ATXN7L1: variants seen among roughly 807,000 people sequenced by gnomAD.
ATXN7L1 encodes the protein ataxin 7 like 1, also known as ataxin-7-like protein 1.
Under a neutral mutation model 70.8 loss-of-function variants are expected in ATXN7L1, and 15 were observed. The ratio of observed to expected loss-of-function variants is 0.21; its 90% CI spans 0.14 to 0.33. ATXN7L1 has a LOEUF of 0.33. Among genes scored for constraint, ATXN7L1 ranks in the 10% least tolerant of loss-of-function variants. The pLI is 1.00. For synonymous variants in ATXN7L1, 440 were observed against 445.1 expected (o/e 0.99, Z 0.14); for missense variants, 975 against 1,097.1 (o/e 0.89, Z 1.57).
intron 3 of ATXN7L1, chr7:105,679,218 C>G: frequency 1.1e-6 from 1 of 903,056 alleles, no homozygotes; most frequent in Non-Finnish European, 1.3e-6. Flanking sequence ...TAGGGAAAGG[C>G]AGAAAGAAAA....
intron 2 of ATXN7L1, among the ~76,000 whole-genome samples, chr7:105,813,681 C>T (rs1808774502): frequency 6.6e-6 from 1 of 152,182 alleles, no homozygotes; most frequent in South Asian, 2.1e-4. Flanking sequence ...CTTCCTTTAT[C>T]TGTAAATTCT....
intron 9 of ATXN7L1, among the ~76,000 whole-genome samples, chr7:105,619,270 C>T (rs190296681): frequency 9.5e-4 from 136 of 143,026 alleles, no homozygotes; most frequent in Admixed American, 2.7e-3. Context: ...GCCTTAGCCT[C>T]CTGAGTAGCT....
chr7:105,708,374 C>T (rs184553699), intron 3 of ATXN7L1, among the ~76,000 whole-genome samples: 23 of 152,338 alleles, frequency 1.5e-4, no homozygotes, highest in Admixed American at 4.6e-4. Context: ...TCCTCTTCCT[C>T]TCTTCCTCAA....
chr7:105,710,262 C>A (rs540736765), intron 3 of ATXN7L1, among the ~76,000 whole-genome samples: 3 of 152,288 alleles, frequency 2.0e-5, no homozygotes, highest in East Asian at 3.9e-4. Flanking sequence ...AATTGACTCA[C>A]AGTTCCACAG....
At chr7:105,802,509 C>A (rs139124695) in intron 2 of ATXN7L1, among the ~76,000 whole-genome samples, 8 of 152,322 alleles carry the variant, frequency 5.3e-5, no homozygotes, top group African/African-American at 1.9e-4. Context: ...CCTCAGCAGT[C>A]AGGTGAGTCA....
At chr7:105,639,707 G>T (rs1358159702) in intron 5 of ATXN7L1, 138 bp from the exon 6 acceptor site, 1 of 688,028 alleles carries the variant, frequency 1.5e-6, no homozygotes, top group Non-Finnish European at 2.4e-6. Flanking sequence ...TTGTTTTTTT[G>T]TGTTTTGTTT....
chr7:105,848,763 A>C (rs1814437221), intron 2 of ATXN7L1, among the ~76,000 whole-genome samples: 1 of 152,148 alleles, frequency 6.6e-6, no homozygotes, highest in African/African-American at 2.4e-5. Context: ...AAATCTACTC[A>C]TGGAGGTCCA....
intron 5 of ATXN7L1, among the ~76,000 whole-genome samples, chr7:105,641,077 G>A (rs1187257704): frequency 6.6e-6 from 1 of 152,102 alleles, no homozygotes; most frequent in Non-Finnish European, 1.5e-5. Flanking sequence ...GAGGGTCATG[G>A]GGAGGTTGCA....
chr7:105,671,590 A>T (rs1289024253), intron 3 of ATXN7L1, among the ~76,000 whole-genome samples: 2 of 61,382 alleles, frequency 3.3e-5, no homozygotes, highest in African/African-American at 2.1e-4. Flanking sequence ...TTTGATCAAT[A>T]GTAATAATAG....
chr7:105,874,078 T>C (rs1449389372), intron 2 of ATXN7L1, among the ~76,000 whole-genome samples: 5 of 141,736 alleles, frequency 3.5e-5, no homozygotes, highest in Non-Finnish European at 6.0e-5. Context: ...TGAGCCAAGA[T>C]CGTACCACTG....
At chr7:105,761,307 A>T (rs550525597) in intron 3 of ATXN7L1, 15 of 1,604,826 alleles carry the variant, frequency 9.3e-6, no homozygotes, top group Non-Finnish European at 1.2e-5. Flanking sequence ...TCTTCCAGGA[A>T]GCCGTCTCCA....
intron 3 of ATXN7L1, among the ~76,000 whole-genome samples, chr7:105,736,919 G>A (rs1394186042): frequency 6.6e-6 from 1 of 152,152 alleles, no homozygotes; most frequent in East Asian, 1.9e-4. Context: ...GTTCTTTTTA[G>A]GTTTGGGTAT....
At chr7:105,655,680 T>C (rs188779066) in intron 4 of ATXN7L1, among the ~76,000 whole-genome samples, 2 of 152,312 alleles carry the variant, frequency 1.3e-5, no homozygotes, top group East Asian at 3.9e-4. Flanking sequence ...CAGGAAGAGA[T>C]AAGCCGCCCA....
At chr7:105,665,388 G>A (rs978928789) in intron 3 of ATXN7L1, 100 bp from the exon 4 acceptor site, 15 of 974,800 alleles carry the variant, frequency 1.5e-5, no homozygotes, top group African/African-American at 9.8e-5. Flanking sequence ...GGAGAGAAGC[G>A]CTTTCCCTAC....
At chr7:105,814,799 AG>A (rs1249678593) in intron 2 of ATXN7L1, among the ~76,000 whole-genome samples, 1 of 152,250 alleles carries the variant, frequency 6.6e-6, no homozygotes, top group African/African-American at 2.4e-5. Flanking sequence ...CTAAACATTC[AG>A]AAAAGATACA....
intron 3 of ATXN7L1, among the ~76,000 whole-genome samples, chr7:105,685,069 A>T (rs898149179): frequency 2.7e-5 from 4 of 149,502 alleles, no homozygotes; most frequent in African/African-American, 9.8e-5. Flanking sequence ...AATAATAATA[A>T]TAATAATAAT....
intron 2 of ATXN7L1, among the ~76,000 whole-genome samples, chr7:105,802,688 C>G (rs1807002170): frequency 6.6e-6 from 1 of 152,204 alleles, no homozygotes; most frequent in Non-Finnish European, 1.5e-5. Context: ...AAGATCCCAC[C>G]TTTCTGTAAC....
intron 2 of ATXN7L1, among the ~76,000 whole-genome samples, chr7:105,869,594 A>G (rs187181644): frequency 9.8e-5 from 15 of 152,322 alleles, no homozygotes; most frequent in Admixed American, 3.3e-4. Flanking sequence ...CCTATATTCC[A>G]GCCCAATTCC....
At chr7:105,821,420 G>C (rs1810143735) in intron 2 of ATXN7L1, among the ~76,000 whole-genome samples, 2 of 152,228 alleles carry the variant, frequency 1.3e-5, no homozygotes, top group African/African-American at 2.4e-5. Context: ...CACACCTGCT[G>C]CTGCTGCTTT....
Sources: gnomAD v4.1 joint callset for allele counts (sites outside exome capture counted in the v4.1 genomes callset) on GRCh38, gnomAD v4.1.1 for gene constraint, MANE v1.5 for transcripts, NCBI Gene and HGNC (gene_info 2026-07-23, HGNC 2026-07-21) for gene names.